The following WASF2 variants were observed in gnomAD, a reference collection of about 807,000 sequenced individuals.
The protein encoded by WASF2 is actin-binding protein WASF2.
A neutral mutation model predicts 45.0 loss-of-function variants in WASF2; 14 were observed. The observed-to-expected ratio is 0.31, with a 90% confidence interval of 0.21 to 0.49. The LOEUF is 0.49. Ranked by LOEUF, WASF2 falls within the 20% of genes least tolerant of loss-of-function variation. The pLI is 0.99. For synonymous variants in WASF2, 200 were observed against 236.3 expected, an observed-to-expected ratio of 0.85 and a Z score of 1.41; for missense variants, 439 against 636.1, an observed-to-expected ratio of 0.69 and a Z score of 3.33.
chr1:27,459,994 A>G (rs1557614705), intron 1 of WASF2, among the ~76,000 whole-genome samples: 1 of 152,236 alleles, frequency 6.6e-6, no homozygotes, highest in Non-Finnish European at 1.5e-5. Flanking sequence ...AGTATAACAG[A>G]TCAATGAGAT....
intron 1 of WASF2, among the ~76,000 whole-genome samples, chr1:27,453,343 G>A (rs2017411218): frequency 6.6e-6 from 1 of 152,124 alleles, no homozygotes; most frequent in African/African-American, 2.4e-5. Context: ...TATAATCCCA[G>A]CACTTTGGGA....
intron 1 of WASF2, among the ~76,000 whole-genome samples, chr1:27,469,273 G>A (rs2017658459): frequency 6.6e-6 from 1 of 152,312 alleles, no homozygotes. Context: ...GAAGCTGAGT[G>A]TTGGGCATGT....
intron 1 of WASF2, among the ~76,000 whole-genome samples, chr1:27,439,375 C>T (rs1006736408): frequency 1.2e-4 from 18 of 152,210 alleles, no homozygotes; most frequent in African/African-American, 4.3e-4. Flanking sequence ...TGACATCTAT[C>T]TAGCACATGC....
chr1:27,420,488 G>A (rs1162692007), intron 2 of WASF2, among the ~76,000 whole-genome samples: 1 of 145,762 alleles, frequency 6.9e-6, no homozygotes, highest in African/African-American at 2.5e-5. Context: ...GAAAAGTGGT[G>A]CATACAAATA....
intron 1 of WASF2, among the ~76,000 whole-genome samples, chr1:27,440,436 C>G (rs1557606198): frequency 6.6e-6 from 1 of 151,842 alleles, no homozygotes; most frequent in Non-Finnish European, 1.5e-5. Context: ...ATGGGAGGAT[C>G]ACTTTAGCCC....
At chr1:27,430,541 T>C (rs906578473) in intron 1 of WASF2, among the ~76,000 whole-genome samples, 1 of 151,644 alleles carries the variant, frequency 6.6e-6, no homozygotes, top group Non-Finnish European at 1.5e-5. Context: ...TTGTATTTTT[T>C]TGTAGAGATG....
chr1:27,422,706 G>T (rs1299567219), intron 2 of WASF2, among the ~76,000 whole-genome samples: 1 of 151,522 alleles, frequency 6.6e-6, no homozygotes, highest in Non-Finnish European at 1.5e-5. Context: ...CAATCTCCCA[G>T]CCTTAGTTTC....
At chr1:27,418,577 C>A (rs971802808) in intron 3 of WASF2, among the ~76,000 whole-genome samples, 155 bp from the exon 4 acceptor site, 7 of 152,202 alleles carry the variant, frequency 4.6e-5, no homozygotes, top group African/African-American at 1.2e-4. Context: ...GGAAGCCCCA[C>A]AAGGCTGTCA....
chr1:27,487,038 CTG>C (rs2017938109), intron 1 of WASF2, among the ~76,000 whole-genome samples: 1 of 141,104 alleles, frequency 7.1e-6, no homozygotes, highest in Non-Finnish European at 1.5e-5. Context: ...TATATATAAT[CTG>C]TTACATATAT....
intron 1 of WASF2, among the ~76,000 whole-genome samples, chr1:27,476,404 G>T (rs1372984708): frequency 6.6e-6 from 1 of 152,180 alleles, no homozygotes; most frequent in South Asian, 2.1e-4. Context: ...AACTCAGAGC[G>T]AGAGCTCACT....
intron 1 of WASF2, among the ~76,000 whole-genome samples, chr1:27,454,166 TATATATATATATATATA>T (rs1419394361): frequency 1.3e-4 from 5 of 39,212 alleles, no homozygotes; most frequent in South Asian, 1.7e-3. Flanking sequence ...TATATATATA[TATATATATATATATATA>T]TATATTTTTT....
Position 27,489,997 on chromosome 1 carries a change from C to T in WASF2, c.-55G>A, listed in dbSNP as rs2018009135. The T allele has an allele frequency of 6.6e-6, 1 of 152,314 alleles. No homozygotes were observed. The highest frequency in any genetic ancestry group is 2.1e-4 in the South Asian group (1 of 4,838). 9.4% of individuals were successfully genotyped at this position (152,314 alleles called of 1,614,324 possible). On this transcript the variant is annotated 5_prime_UTR_variant, in exon 1 of 9. Coordinates refer to ENST00000618852, the MANE Select transcript of WASF2 (RefSeq NM_006990.5). Reference sequence around the variant, plus strand: ...GACTTGTTGCTCACCTGGCCTCCCGCAGTCGCCGTCAGCGACAGGAAGGGT... The same window carrying T: ...GACTTGTTGCTCACCTGGCCTCCCGTAGTCGCCGTCAGCGACAGGAAGGGT...
intron 1 of WASF2, among the ~76,000 whole-genome samples, chr1:27,474,053 A>G (rs2017731016): frequency 6.6e-6 from 1 of 152,218 alleles, no homozygotes; most frequent in Non-Finnish European, 1.5e-5. Flanking sequence ...AGATGTGGGG[A>G]GAACGTGCAA....
intron 1 of WASF2, among the ~76,000 whole-genome samples, chr1:27,468,885 T>A (rs1191373412): frequency 7.0e-6 from 1 of 142,096 alleles, no homozygotes; most frequent in Non-Finnish European, 1.5e-5. Context: ...ATCGCGCCAC[T>A]GCACTCCAGC....
intron 1 of WASF2, among the ~76,000 whole-genome samples, chr1:27,437,058 G>C (rs1047024781): frequency 6.6e-6 from 1 of 152,064 alleles, no homozygotes; most frequent in Admixed American, 6.6e-5. Context: ...CATCTATGAA[G>C]GACCATTCAT....
chr1:27,429,296 G>A (rs764889144), intron 1 of WASF2, among the ~76,000 whole-genome samples: 26 of 152,112 alleles, frequency 1.7e-4, no homozygotes, highest in Non-Finnish European at 3.8e-4. Flanking sequence ...ACACTGGACG[G>A]TACAGATCCT....
intron 1 of WASF2, among the ~76,000 whole-genome samples, chr1:27,441,615 G>A (rs1189384360): frequency 3.9e-5 from 6 of 152,084 alleles, no homozygotes; most frequent in East Asian, 1.9e-4. Context: ...TTAGCCGGGC[G>A]TGGTGGCGGG....
At chr1:27,435,276 G>A (rs2017121601) in intron 1 of WASF2, among the ~76,000 whole-genome samples, 1 of 116,916 alleles carries the variant, frequency 8.6e-6, no homozygotes, top group South Asian at 3.3e-4. Flanking sequence ...TATCACCTTT[G>A]GTCAGTATAA....
At chr1:27,484,260 G>A (rs1370286362) in intron 1 of WASF2, among the ~76,000 whole-genome samples, 4 of 152,146 alleles carry the variant, frequency 2.6e-5, no homozygotes, top group Non-Finnish European at 4.4e-5. Flanking sequence ...AGAGATGTCC[G>A]AGAAAACTAA....
Sources: gnomAD v4.1 joint callset for allele counts (sites outside exome capture counted in the v4.1 genomes callset) on GRCh38, gnomAD v4.1.1 for gene constraint, MANE v1.5 for transcripts, NCBI Gene and HGNC (gene_info 2026-07-23, HGNC 2026-07-21) for gene names.